Variants in GARNL3 observed in about 807,000 individuals in gnomAD.
GARNL3 encodes the protein GTPase-activating Rap/Ran-GAP domain-like protein 3.
Under a neutral mutation model 125.0 loss-of-function variants are expected in GARNL3, and 63 were observed. The ratio of observed to expected loss-of-function variants is 0.50; its 90% CI spans 0.41 to 0.62. GARNL3 has a LOEUF of 0.62. Among genes scored for constraint, GARNL3 ranks in the 20% least tolerant of loss-of-function variants. The pLI, the probability that GARNL3 is intolerant of heterozygous loss-of-function variation, is 0.00. For missense variants in GARNL3, 994 were observed against 1,244.0 expected (o/e 0.80, Z 3.02); for synonymous variants, 439 against 457.5 (o/e 0.96, Z 0.52).
rs1422109776 is a variant in GARNL3, at chr9:127,344,296, A to G, written c.1313A>G (p.Lys438Arg). The change falls in exon 15 of 28, where the codon AAG becomes AGG. Residue 438 changes from lysine (K) to arginine (R), a missense_variant. Physicochemically the swap from Lys to Arg is conservative, Grantham distance 26 (BLOSUM62 2). Around this residue, in one of 5 missense-constraint regions of GARNL3, gnomAD observed 728 missense variants for 865.7 expected, o/e 0.84. Coordinates refer to ENST00000373387, the MANE Select transcript of GARNL3 (RefSeq NM_032293.5). ...CCAGAGTCACCCAAGTCAGCGCGGAAGAAAGAGGAGGCCCGCCAGGCGGAG... is the reference window on the plus strand; with the variant it reads ...CCAGAGTCACCCAAGTCAGCGCGGAGGAAAGAGGAGGCCCGCCAGGCGGAG... ...VLPESPKSAR[K>R]KEEARQAEFV... The G allele has an allele frequency of 6.2e-7, 1 of 1,614,010 alleles. No homozygotes were observed. The highest frequency in any genetic ancestry group is 8.5e-7 in the Non-Finnish European group (1 of 1,179,962).
intron 2 of GARNL3, among the ~76,000 whole-genome samples, chr9:127,251,409 G>T (rs1036041650): frequency 2.0e-5 from 3 of 146,732 alleles, no homozygotes; most frequent in African/African-American, 8.1e-5. Flanking sequence ...GTTTTGTTTT[G>T]TTTTTTTCAG....
intron 14 of GARNL3, among the ~76,000 whole-genome samples, chr9:127,343,553 G>T (rs115522658): frequency 0.012 from 1,800 of 152,244 alleles, 46 homozygotes; most frequent in African/African-American, 0.042. Flanking sequence ...CTTCCCAGTA[G>T]ACTCTGTGCT....
upstream of GARNL3, among the ~76,000 whole-genome samples, chr9:127,261,693 G>T (rs565456381): frequency 6.6e-6 from 1 of 152,144 alleles, no homozygotes; most frequent in African/African-American, 2.4e-5. Flanking sequence ...GATTACAGGC[G>T]TGAGCCACCG....
At chr9:127,303,639 G>A (rs2064864777) in intron 2 of GARNL3, among the ~76,000 whole-genome samples, 1 of 152,160 alleles carries the variant, frequency 6.6e-6, no homozygotes, top group Non-Finnish European at 1.5e-5. Flanking sequence ...ATTCATTCAT[G>A]TATTGAACTC....
chr9:127,357,202 C>T lies in GARNL3; in HGVS notation c.1936-17C>T, dbSNP rs1256084903. 2.8e-5 allele frequency: 45 copies of T among 1,613,466 alleles called. No individual in the cohort carries two copies. Among genetic ancestry groups the T allele is most frequent in the Non-Finnish European group, 3.8e-5 (45 of 1,179,620 alleles). On this transcript the variant is annotated splice_polypyrimidine_tract_variant and intron_variant, in intron 20 of 27. Coordinates refer to ENST00000373387, the MANE Select transcript of GARNL3 (RefSeq NM_032293.5). ...CTGTTCTCACCCCTGTCTCTTGTAT[C>T]CTCACCAACCACACAGGAGATCTGT...
intron 1 of GARNL3, among the ~76,000 whole-genome samples, chr9:127,281,370 G>A (rs546178567): frequency 1.3e-5 from 2 of 152,284 alleles, no homozygotes; most frequent in South Asian, 2.1e-4. Flanking sequence ...GAGGACAGGG[G>A]CCAGGGACAA....
chr9:127,262,362 A>G (rs2063611731), upstream of GARNL3, among the ~76,000 whole-genome samples: 1 of 152,184 alleles, frequency 6.6e-6, no homozygotes, highest in Admixed American at 6.5e-5. Flanking sequence ...TCAGAGACCC[A>G]TGTTTTTCCA....
intron 18 of GARNL3, 55 bp from the exon 19 acceptor site, chr9:127,354,239 C>T: frequency 7.2e-7 from 1 of 1,389,118 alleles, no homozygotes; most frequent in South Asian, 1.2e-5. Flanking sequence ...GGAGGCCCTC[C>T]AGGTTACCTT....
intron 7 of GARNL3, among the ~76,000 whole-genome samples, chr9:127,330,566 T>G (rs1564146178): frequency 6.6e-6 from 1 of 152,238 alleles, no homozygotes; most frequent in Non-Finnish European, 1.5e-5. Context: ...TGATTTCTCC[T>G]GCACAGGACT....
chr9:127,305,754 T>C (rs1002009459), intron 2 of GARNL3, among the ~76,000 whole-genome samples: 1 of 151,670 alleles, frequency 6.6e-6, no homozygotes, highest in Admixed American at 6.6e-5. Flanking sequence ...TATTTTTTAA[T>C]TTTATTTATT....
intron 22 of GARNL3, among the ~76,000 whole-genome samples, chr9:127,371,988 A>C (rs1831635984): frequency 6.6e-6 from 1 of 152,224 alleles, no homozygotes; most frequent in Non-Finnish European, 1.5e-5. Flanking sequence ...GCTGAAGTTC[A>C]GTGGCGCGAT....
chr9:127,334,862 A>G (rs1186717472), intron 9 of GARNL3, among the ~76,000 whole-genome samples: 1 of 152,190 alleles, frequency 6.6e-6, no homozygotes, highest in Admixed American at 6.5e-5. Flanking sequence ...TCTGTCACAA[A>G]TACCACTTCC....
intron 22 of GARNL3, among the ~76,000 whole-genome samples, chr9:127,367,676 T>G (rs1379222755): frequency 5.3e-5 from 8 of 152,212 alleles, no homozygotes; most frequent in Non-Finnish European, 1.2e-4. Context: ...CATTCACCTT[T>G]AATGCAAGTA....
chr9:127,241,945 G>T (rs2063212882), intron 1 of GARNL3, among the ~76,000 whole-genome samples: 1 of 151,264 alleles, frequency 6.6e-6, no homozygotes. Context: ...GTTTGTTGTT[G>T]TTGTTGTTGT....
chr9:127,321,308 G>T lies in GARNL3; in HGVS notation c.567+530G>T, dbSNP rs144417230. ...CACCGTGCCCAGCTAATTTAGTAGA[G>T]ATGGGGTTTCACCATGTTAGCTGGT... is the stretch of plus-strand genomic sequence containing the variant. On this transcript the variant is annotated intron_variant, in intron 6 of 27. Coordinates refer to ENST00000373387, the MANE Select transcript of GARNL3 (RefSeq NM_032293.5). Among the ~76,000 whole-genome samples the T allele has an allele frequency of 2.6e-5, 4 of 152,254 alleles. No individual in the cohort carries two copies. The East Asian group carries it at 7.7e-4, about 29-fold the overall frequency.
chr9:127,293,892 C>G (rs2064501797), intron 2 of GARNL3, among the ~76,000 whole-genome samples: 1 of 152,132 alleles, frequency 6.6e-6, no homozygotes. Context: ...TTTAAACTAC[C>G]AAAGTGCTGC....
chr9:127,332,997 T>C, intron 8 of GARNL3, 26 bp from the exon 9 acceptor site: 1 of 1,522,788 alleles, frequency 6.6e-7, no homozygotes, highest in East Asian at 2.3e-5. Flanking sequence ...GCCCATACTT[T>C]CCTCATACTC....
chr9:127,248,505 A>G (rs2063341253), intron 2 of GARNL3, among the ~76,000 whole-genome samples: 1 of 151,520 alleles, frequency 6.6e-6, no homozygotes, highest in African/African-American at 2.4e-5. Context: ...GGGAAGTAGT[A>G]GGAAGCCCAT....
At chr9:127,294,899 T>C (rs994359610) in intron 2 of GARNL3, among the ~76,000 whole-genome samples, 1 of 152,100 alleles carries the variant, frequency 6.6e-6, no homozygotes, top group Non-Finnish European at 1.5e-5. Flanking sequence ...ATAGAAGGAT[T>C]GCAAATTTTG....
Sources: allele counts gnomAD v4.1 joint callset (sites outside exome capture counted in the v4.1 genomes callset), GRCh38; gene constraint gnomAD v4.1.1; regional missense constraint gnomAD v4.1.1; transcripts MANE v1.5; gene names NCBI Gene and HGNC (gene_info 2026-07-23, HGNC 2026-07-21).